CC2D1A: variants seen among roughly 807,000 people sequenced by gnomAD.
CC2D1A encodes coiled-coil and C2 domain-containing protein 1A.
CC2D1A carries 68 observed loss-of-function variants against 123.8 expected under a neutral mutation model. That is an observed-to-expected ratio of 0.55 (90% CI 0.45 to 0.67). The LOEUF is 0.67. Ranked by LOEUF, CC2D1A falls within the 30% of genes least tolerant of loss-of-function variation. The pLI is 0.00. For synonymous variants in CC2D1A, 477 were observed against 528.0 expected (o/e 0.90, Z 1.32); for missense variants, 1,185 against 1,290.3 (o/e 0.92, Z 1.25).
Position 13,920,555 on chromosome 19 carries a change from A to C in CC2D1A, c.1357-2A>C, listed in dbSNP as rs200557641. On this transcript the variant is annotated splice_acceptor_variant, in intron 12 of 28. Transcript: ENST00000318003. LOFTEE classifies it high-confidence loss of function. Reference sequence around the variant, plus strand: ...TCTAACATCCTCTCTCTTCCTCTACAGCAGAACAGCCCTGTGGCCCCCACA... The same window carrying C: ...TCTAACATCCTCTCTCTTCCTCTACCGCAGAACAGCCCTGTGGCCCCCACA... 438 of 1,557,190 alleles carry C rather than the reference A, an allele frequency of 2.8e-4. 1 individual carries two copies. In the African/African-American group the frequency reaches 5.0e-3, roughly 18 times the overall value.
chr19:13,912,712 G>A (rs566396002), intron 4 of CC2D1A, 119 bp downstream of exon 4: 2 of 1,006,174 alleles, frequency 2.0e-6, no homozygotes, highest in African/African-American at 3.2e-5. Context: ...GAGTGCAGTG[G>A]TGCCATCTCA....
chr19:13,915,606 C>T (rs1971179396), intron 6 of CC2D1A, among the ~76,000 whole-genome samples: 1 of 152,174 alleles, frequency 6.6e-6, no homozygotes, highest in South Asian at 2.1e-4. Context: ...GTAATCCCAG[C>T]ACTCTGGGAG....
chr19:13,929,721 A>T (rs1343288006), intron 26 of CC2D1A, 61 bp downstream of exon 26: 1 of 504,512 alleles, frequency 2.0e-6, no homozygotes, highest in Non-Finnish European at 3.0e-6. Flanking sequence ...ATGGGGGGGG[A>T]GGTGCTCAGG....
intron 6 of CC2D1A, among the ~76,000 whole-genome samples, chr19:13,914,236 T>C (rs547048182): frequency 6.6e-6 from 1 of 151,802 alleles, no homozygotes; most frequent in South Asian, 2.1e-4. Flanking sequence ...TGCAGTGATG[T>C]GATCATAGCT....
chr19:13,927,783 G>GC, intron 22 of CC2D1A, 110 bp from the exon 23 acceptor site: 2 of 890,474 alleles, frequency 2.2e-6, no homozygotes, highest in Non-Finnish European at 3.2e-6. Context: ...CTCTATCTCA[G>GC]AAAAAAAAAA....
intron 14 of CC2D1A, 105 bp downstream of exon 14, chr19:13,921,027 T>G: frequency 1.8e-5 from 20 of 1,109,126 alleles, no homozygotes; most frequent in Non-Finnish European, 2.5e-5. Flanking sequence ...GTCCAGCTGC[T>G]GTAACAAATA....
At chr19:13,915,406 C>T (rs866161988) in intron 6 of CC2D1A, among the ~76,000 whole-genome samples, 2 of 152,102 alleles carry the variant, frequency 1.3e-5, no homozygotes, top group Admixed American at 6.6e-5. Flanking sequence ...CCACCAAGCC[C>T]GGCTAATTTT....
rs760036269 is a variant in CC2D1A at position 13,930,258 on chromosome 19, C to A, written c.2804C>A (p.Ala935Glu). ...CCCCCACAGGATGCTGCAAAGGAGG[C>A]GCTCTATAGGCGGAATCTGGTAGAG... is the stretch of plus-strand genomic sequence containing the variant. Reference protein sequence around the residue: ...NDGSRDAAKEALYRRNLVESE... With the variant: ...NDGSRDAAKEELYRRNLVESE... The change falls in exon 28 of 29, where the codon GCG (alanine) becomes GAG (glutamate). Residue 935 changes from alanine to glutamate, a missense_variant. Coordinates refer to ENST00000318003, the MANE Select transcript of CC2D1A (RefSeq NM_017721.5). The surrounding 1 kb of genome is among the most constrained non-coding windows in gnomAD (Gnocchi z 6.8). 8.1e-6 allele frequency: 13 copies of A among 1,613,828 alleles called. No individual in the cohort carries two copies. In the African/African-American group the frequency reaches 1.5e-4, roughly 18 times the overall value.
At chr19:13,921,052 A>C (rs1971397421) in intron 14 of CC2D1A, 130 bp downstream of exon 14, 1 of 860,830 alleles carries the variant, frequency 1.2e-6, no homozygotes, top group Admixed American at 3.1e-5. Flanking sequence ...CTCCCAAGAC[A>C]ATGGCTGAAA....
intron 17 of CC2D1A, 107 bp from the exon 18 acceptor site, chr19:13,926,410 G>A (rs1971642849): frequency 1.1e-6 from 1 of 934,702 alleles, no homozygotes. Flanking sequence ...AGGCCAGGGT[G>A]GGGTTTGTTC....
chr19:13,923,587 A>G lies in CC2D1A; in HGVS notation c.1804A>G (p.Asn602Asp). ...CTCAAACCAATTCACCCAGCTGGGCAACATCACTGAAACCACCAAGTAAGT... is the reference window on the plus strand; with the variant it reads ...CTCAAACCAATTCACCCAGCTGGGCGACATCACTGAAACCACCAAGTAAGT... Reference protein sequence around the residue: ...NHSNQFTQLGNITETTKFEKL... With the variant: ...NHSNQFTQLGDITETTKFEKL... Residue 602 changes from asparagine (N) to aspartate (D), a missense_variant, in exon 16 of 29, where the codon AAC (asparagine) becomes GAC (aspartate). Coordinates refer to ENST00000318003, the MANE Select transcript of CC2D1A (RefSeq NM_017721.5). The surrounding 1 kb of genome is among the most constrained non-coding windows in gnomAD (Gnocchi z 5.3). The G allele has an allele frequency of 6.2e-7, 1 of 1,614,076 alleles. No individual in the cohort carries two copies. Among genetic ancestry groups the G allele is most frequent in the Non-Finnish European group, 8.5e-7 (1 of 1,180,018 alleles).
intron 22 of CC2D1A, 87 bp from the exon 23 acceptor site, chr19:13,927,806 A>G: frequency 1.4e-6 from 2 of 1,415,992 alleles, no homozygotes; most frequent in Non-Finnish European, 1.9e-6. Flanking sequence ...CCAAAAAAAA[A>G]AACCAGTCTT....
At chr19:13,909,619 C>T (rs779614678) in intron 1 of CC2D1A, 11 of 684,626 alleles carry the variant, frequency 1.6e-5, no homozygotes, top group Non-Finnish European at 2.7e-5. Context: ...TTGCCCTTTG[C>T]CCCAGGTTGA....
At position 13,920,657 on chromosome 19, in the gene CC2D1A, C is replaced by T. The variant is rs1156339163; in HGVS notation, c.1457C>T (p.Thr486Ile). Residue 486 changes from threonine to isoleucine, a missense_variant, in exon 13 of 29, where the codon ACA becomes ATA. By Grantham distance (89) the Thr-to-Ile change is moderately conservative (BLOSUM62 -1). Coordinates refer to ENST00000318003, the MANE Select transcript of CC2D1A (RefSeq NM_017721.5). Reference sequence around the variant, plus strand: ...ACAGCCAAAGCGCCCCCCAAAGCCACATCCACCAGAGGTAAGTTCCCCCTC... The same window carrying T: ...ACAGCCAAAGCGCCCCCCAAAGCCATATCCACCAGAGGTAAGTTCCCCCTC... ...APTAKAPPKA[T>I]STRAQQQLAF... 1.9e-6 allele frequency: 3 copies of T among 1,610,000 alleles called. No homozygotes were observed. In the South Asian group the frequency reaches 3.3e-5, roughly 18 times the overall value.
In CC2D1A at chr19:13,911,706, A is replaced by AT. The variant is rs1055273535; in HGVS notation, c.197-590dup. Among the ~76,000 whole-genome samples, 769 of 88,556 alleles carry AT rather than the reference A, an allele frequency of 8.7e-3. 29 individuals carry two copies. Among genetic ancestry groups the AT allele is most frequent in the Non-Finnish European group, 0.012 (578 of 49,094 alleles). The allele number at this position is 88,556 out of a possible 152,430, so 58.1% of individuals were successfully genotyped here. The stretch of plus-strand genomic sequence containing the variant: ...GATTACACGCCACCATGCCCAGCTA[A>AT]TTTTTTTTTTTTTTTTTTTTTTTTT... On this transcript the variant is annotated intron_variant, in intron 2 of 28. Coordinates refer to ENST00000318003, the MANE Select transcript of CC2D1A (RefSeq NM_017721.5).
chr19:13,915,442 C>T (rs1971170368), intron 6 of CC2D1A, among the ~76,000 whole-genome samples: 1 of 152,156 alleles, frequency 6.6e-6, no homozygotes. Flanking sequence ...GACGGGGTTT[C>T]ACCATGTTGC....
chr19:13,919,728 A>G (rs1364484859), intron 11 of CC2D1A, 90 bp from the exon 12 acceptor site: 1 of 1,375,628 alleles, frequency 7.3e-7, no homozygotes, highest in Non-Finnish European at 9.8e-7. Context: ...AAGACTCTAT[A>G]GGTGGGAGAG....
intron 1 of CC2D1A, among the ~76,000 whole-genome samples, chr19:13,909,398 A>G (rs1024297163): frequency 2.0e-5 from 3 of 149,896 alleles, no homozygotes; most frequent in Non-Finnish European, 4.5e-5. Context: ...AAAACAAAAA[A>G]CTTTTTTTTT....
At chr19:13,928,299 A>G (rs1006422220) in intron 24 of CC2D1A, 111 bp downstream of exon 24, 10 of 922,552 alleles carry the variant, frequency 1.1e-5, no homozygotes, top group Non-Finnish European at 1.7e-5. Context: ...TCCTGCTGCA[A>G]AACCTTTCTT....
Sources: allele counts gnomAD v4.1 joint callset (sites outside exome capture counted in the v4.1 genomes callset), GRCh38; gene constraint gnomAD v4.1.1; non-coding constraint Gnocchi (gnomAD v3.1); transcripts MANE v1.5; gene names NCBI Gene and HGNC (gene_info 2026-07-23, HGNC 2026-07-21).